L1CAM: variants seen among roughly 807,000 people sequenced by gnomAD.
L1CAM encodes the protein neural cell adhesion molecule L1.
L1CAM carries 8 observed loss-of-function variants against 93.0 expected under a neutral mutation model. The observed-to-expected ratio is 0.09, with a 90% CI of 0.05 to 0.16. The LOEUF (loss-of-function observed/expected upper bound fraction) is 0.16, where lower values mean the gene tolerates loss of function less well. L1CAM is among the 10% of genes least tolerant of loss of function. The probability of loss-of-function intolerance (pLI) is 1.00; values close to 1 mark genes in which losing one functional copy is unlikely to be tolerated. For synonymous variants in L1CAM, 453 were observed against 453.0 expected (o/e 1.00, Z 0.00); for missense variants, 777 against 1,073.4 (o/e 0.72, Z 3.86).
chrX:153,878,177 G>T (rs1356968907), intron 1 of L1CAM, among the ~76,000 whole-genome samples: 1 of 112,768 alleles, frequency 8.9e-6, no homozygotes, highest in Non-Finnish European at 1.9e-5. Context: ...TCCTCCCTCT[G>T]CCCAGCCAGG....
intron 1 of L1CAM, among the ~76,000 whole-genome samples, chrX:153,884,953 G>C (rs1344772296): frequency 8.8e-6 from 1 of 113,027 alleles, no homozygotes; most frequent in Non-Finnish European, 1.9e-5. Flanking sequence ...AACAGGGGCA[G>C]GGTATCTACC....
chrX:153,875,536 C>A, intron 2 of L1CAM: 1 of 499,239 alleles, frequency 2.0e-6, no homozygotes, highest in African/African-American at 2.3e-5. Flanking sequence ...GCCCCGGCGG[C>A]CGCGCCTGTC....
chrX:153,881,115 G>C (rs782781999), intron 1 of L1CAM, among the ~76,000 whole-genome samples: 2 of 112,317 alleles, frequency 1.8e-5, no homozygotes, highest in Non-Finnish European at 3.8e-5. Context: ...TCAACTTACA[G>C]CGTGGACTTA....
rs1557092748 is a variant in L1CAM at position 153,870,414 on chromosome X, C to A, written c.780G>T (p.Leu260Phe). The A allele has an allele frequency of 8.3e-7, 1 of 1,211,540 alleles. No homozygotes were observed. Among genetic ancestry groups the A allele is most frequent in the Admixed American group, 2.2e-5 (1 of 46,166 alleles). ...AGCCCTCGGCGATGCACTCCAGGACCAATGGCTGCCCCTGCAAGGCCACCA... is the reference window on the plus strand; with the variant it reads ...AGCCCTCGGCGATGCACTCCAGGACAAATGGCTGCCCCTGCAAGGCCACCA... ...SHLVALQGQP[L>F]VLECIAEGFP... Residue 260 changes from leucine to phenylalanine, a missense_variant, in exon 8 of 29, where the codon TTG becomes TTT. By Grantham distance (22) the Leu-to-Phe change is conservative. This residue lies in a region of L1CAM where 574 missense variants were observed against 781.0 expected (regional missense o/e 0.73). Transcript: ENST00000370060.
At chrX:153,869,403 C>A in intron 11 of L1CAM, 117 bp downstream of exon 11, 1 of 861,945 alleles carries the variant, frequency 1.2e-6, no homozygotes, top group South Asian at 2.1e-5. Context: ...GAAAGGTCGG[C>A]GCCAGCCTGG....
At chrX:153,864,297 T>C in intron 25 of L1CAM, 25 bp downstream of exon 25, 1 of 1,206,578 alleles carries the variant, frequency 8.3e-7, no homozygotes, top group South Asian at 1.8e-5. Flanking sequence ...CCCTGGCAGG[T>C]GATGGCGGGC....
rs1171142703 is a variant in L1CAM at position 153,863,932 on chromosome X, G to C, written c.3408C>G (p.Val1136=). The change falls in exon 26 of 29, where the codon GTC becomes GTG. Residue 1136 remains valine, a synonymous_variant. Coordinates refer to ENST00000370060, the MANE Select transcript of L1CAM (RefSeq NM_001278116.2). Reference sequence around the variant, plus strand: ...GCTTGATGAAGCAGAGGATGAGCAGGACGAGGAGCAGGAGGATGATGGCAC... The same window carrying C: ...GCTTGATGAAGCAGAGGATGAGCAGCACGAGGAGCAGGAGGATGATGGCAC... ...FVSAIILLLL[V]LLILCFIKRS... 1 of 1,212,268 alleles carries C rather than the reference G, an allele frequency of 8.2e-7. No individual in the cohort carries two copies. The highest frequency in any genetic ancestry group is 1.1e-6 in the Non-Finnish European group (1 of 895,519).
chrX:153,866,744 G>T lies in L1CAM; in HGVS notation c.2336C>A (p.Ser779Tyr). Reference sequence around the variant, plus strand: ...TTTGATCTCATAGGGCACGAAGGTGGACGTGTTGGACACCACCAGGAAGGG... The same window carrying T: ...TTTGATCTCATAGGGCACGAAGGTGTACGTGTTGGACACCACCAGGAAGGG... ...SDPFLVVSNTSTFVPYEIKVQ... is the reference protein window; with the variant it reads ...SDPFLVVSNTYTFVPYEIKVQ... Residue 779 changes from serine to tyrosine, a missense_variant, in exon 19 of 29, where the codon TCC (serine) becomes TAC (tyrosine). By Grantham distance (144) the Ser-to-Tyr change is moderately radical (BLOSUM62 -2). Transcript: ENST00000370060. 2 of 1,211,201 alleles carry T rather than the reference G, an allele frequency of 1.7e-6. No homozygotes were observed. Among genetic ancestry groups the T allele is most frequent in the Non-Finnish European group, 1.1e-6 (1 of 895,011 alleles).
At chrX:153,868,539 C>T in intron 13 of L1CAM, 22 bp downstream of exon 13, 1 of 1,212,350 alleles carries the variant, frequency 8.2e-7, no homozygotes, top group Non-Finnish European at 1.1e-6. Flanking sequence ...CACTGCCAGC[C>T]ATGTGGCAAG....
intron 26 of L1CAM, 77 bp from the exon 27 acceptor site, chrX:153,863,626 C>A (rs782443044): frequency 2.3e-5 from 22 of 962,035 alleles, no homozygotes; most frequent in Non-Finnish European, 2.9e-5. Flanking sequence ...ACGCCCCGCA[C>A]CCCCAGCACT....
At position 153,870,162 on chromosome X, in the gene L1CAM, C is replaced by T; in HGVS notation, c.885G>A (p.Lys295=). 1 of 1,211,985 alleles carries T rather than the reference C, an allele frequency of 8.3e-7. No homozygotes were observed. Among genetic ancestry groups the T allele is most frequent in the Non-Finnish European group, 1.1e-6 (1 of 895,412 alleles). The stretch of plus-strand genomic sequence containing the variant: ...CGCCCACTTTCAGCAGCTGCAGGGT[C>T]TTGTTGTGGTTCTGGTAGGTGACAC... The part of the protein sequence containing the change: ...ADRVTYQNHN[K]TLQLLKVGEE... The change falls in exon 9 of 29, where the codon AAG becomes AAA. Residue 295 remains lysine (K), a synonymous_variant. Coordinates refer to ENST00000370060, the MANE Select transcript of L1CAM (RefSeq NM_001278116.2).
intron 1 of L1CAM, among the ~76,000 whole-genome samples, chrX:153,882,171 A>G (rs951148621): frequency 8.9e-6 from 1 of 112,017 alleles, no homozygotes; most frequent in Non-Finnish European, 1.9e-5. Context: ...CGAGGGGTTA[A>G]AGGGCAGAGG....
rs782602312 is a variant in L1CAM, at chrX:153,868,574, G to T, written c.1533C>A (p.Asn511Lys). 8.3e-6 allele frequency: 10 copies of T among 1,211,063 alleles called. No homozygotes were observed. The highest frequency in any genetic ancestry group is 1.1e-5 in the Non-Finnish European group (10 of 895,394). Residue 511 changes from asparagine to lysine, a missense_variant, in exon 13 of 29, where the codon AAC becomes AAA. Asn to Lys is a moderately conservative substitution (Grantham distance 94). This residue lies in a region of L1CAM where 574 missense variants were observed against 781.0 expected (regional missense o/e 0.73). Coordinates refer to ENST00000370060, the MANE Select transcript of L1CAM (RefSeq NM_001278116.2). Reference protein sequence around the residue: ...NDQNNVTIMANLKVKDATQIT... With the variant: ...NDQNNVTIMAKLKVKDATQIT... ...GGGTTGCCTGACCTTTAACCTTCAG[G>T]TTAGCCATGATGGTAACATTGTTTT...
Position 153,875,809 on chromosome X carries a change from G to T in L1CAM, c.28C>A (p.Pro10Thr). MVVALRYVW[P>T]LLLCSPCLLI... ...AGGCAGGGGCTGCAGAGGAGGAGAGGCCACACGTACCGCAGCGCCACGACC... is the reference window on the plus strand; with the variant it reads ...AGGCAGGGGCTGCAGAGGAGGAGAGTCCACACGTACCGCAGCGCCACGACC... The change falls in exon 2 of 29, where the codon CCT (proline) becomes ACT (threonine). Residue 10 changes from proline to threonine, a missense_variant. Around this residue, in one of 5 missense-constraint regions of L1CAM, gnomAD observed 574 missense variants for 781.0 expected, o/e 0.73. Transcript: ENST00000370060. 2.5e-6 allele frequency: 3 copies of T among 1,210,216 alleles called. No homozygotes were observed. Among genetic ancestry groups the T allele is most frequent in the Non-Finnish European group, 3.4e-6 (3 of 895,180 alleles).
intron 1 of L1CAM, among the ~76,000 whole-genome samples, chrX:153,879,431 G>A (rs1471937927): frequency 3.8e-5 from 4 of 106,255 alleles, no homozygotes; most frequent in African/African-American, 6.9e-5. Flanking sequence ...GGGGGTGGGC[G>A]TGTGCACGTG....
chrX:153,873,912 G>T (rs1372252676), intron 2 of L1CAM, among the ~76,000 whole-genome samples: 1 of 112,512 alleles, frequency 8.9e-6, no homozygotes, highest in African/African-American at 3.2e-5. Flanking sequence ...CAGAGCACTG[G>T]CCAGGGCGGC....
chrX:153,865,636 C>T, intron 20 of L1CAM, 68 bp downstream of exon 20: 1 of 1,014,533 alleles, frequency 9.9e-7, no homozygotes, highest in Non-Finnish European at 1.4e-6. Flanking sequence ...GGTGGCAAAG[C>T]CCCCTCACCA....
At chrX:153,885,657 G>C in intron 1 of L1CAM, 1 of 289,876 alleles carries the variant, frequency 3.4e-6, no homozygotes, top group Non-Finnish European at 5.8e-6. Context: ...CACGCCCAGG[G>C]CCACACCCCA....
intron 9 of L1CAM, 53 bp from the exon 10 acceptor site, chrX:153,869,987 A>G: frequency 8.3e-7 from 1 of 1,208,713 alleles, no homozygotes; most frequent in Admixed American, 2.2e-5. Context: ...CTGGCTCTTG[A>G]CCCGGCGCAG....
Sources: gnomAD v4.1 joint callset for allele counts (sites outside exome capture counted in the v4.1 genomes callset) on GRCh38, gnomAD v4.1.1 for gene constraint, gnomAD v4.1.1 regional missense constraint, MANE v1.5 for transcripts, NCBI Gene and HGNC (gene_info 2026-07-23, HGNC 2026-07-21) for gene names.